Variants in CNTNAP2 observed in about 807,000 individuals in gnomAD.
CNTNAP2 encodes the protein contactin associated protein 2.
A neutral mutation model predicts 155.2 loss-of-function variants in CNTNAP2; 98 were observed. The observed-to-expected ratio is 0.63, with a 90% confidence interval of 0.54 to 0.75. CNTNAP2 has a LOEUF of 0.75. Ranked by LOEUF, CNTNAP2 falls within the 30% of genes least tolerant of loss-of-function variation. The pLI is 0.00. For synonymous variants in CNTNAP2, 651 were observed against 631.2 expected, an observed-to-expected ratio of 1.03 and a Z score of -0.47; for missense variants, 1,727 against 1,688.1, an observed-to-expected ratio of 1.02 and a Z score of -0.40.
intron 3 of CNTNAP2, among the ~76,000 whole-genome samples, chr7:146,873,726 GA>G (rs1166158135): frequency 6.6e-6 from 1 of 152,068 alleles, no homozygotes; most frequent in East Asian, 1.9e-4. Context: ...ACAATTACAT[GA>G]GGATAAAGGG....
At chr7:147,513,522 A>G (rs1167351721) in intron 11 of CNTNAP2, among the ~76,000 whole-genome samples, 2 of 152,220 alleles carry the variant, frequency 1.3e-5, no homozygotes, top group Non-Finnish European at 2.9e-5. Flanking sequence ...AAAGGAGGCA[A>G]CACATGTTGA....
chr7:146,721,875 G>GTGTATATATGTATATATA (rs1332551916), intron 1 of CNTNAP2, among the ~76,000 whole-genome samples: 1 of 76,658 alleles, frequency 1.3e-5, no homozygotes, highest in African/African-American at 1.8e-4. Context: ...GTGTGTGTGT[G>GTGTATATATGTATATATA]TATATATATA....
At chr7:147,010,129 C>A (rs1798598243) in intron 3 of CNTNAP2, among the ~76,000 whole-genome samples, 1 of 151,482 alleles carries the variant, frequency 6.6e-6, no homozygotes, top group South Asian at 2.1e-4. Flanking sequence ...TCCACCTCGG[C>A]CTCCCGAGTA....
intron 18 of CNTNAP2, among the ~76,000 whole-genome samples, chr7:148,187,595 G>A (rs1795140787): frequency 6.6e-6 from 1 of 152,138 alleles, no homozygotes; most frequent in Non-Finnish European, 1.5e-5. Context: ...TTTCTATGAG[G>A]AGCTAGGAGG....
intron 15 of CNTNAP2, among the ~76,000 whole-genome samples, chr7:148,097,844 A>G (rs1804006189): frequency 6.6e-6 from 1 of 152,214 alleles, no homozygotes; most frequent in African/African-American, 2.4e-5. Context: ...GCAAGGTGTC[A>G]AAAACAGAGC....
intron 13 of CNTNAP2, among the ~76,000 whole-genome samples, chr7:147,740,711 A>C (rs1190154416): frequency 6.6e-6 from 1 of 152,364 alleles, no homozygotes; most frequent in East Asian, 1.9e-4. Context: ...AATGTCAACC[A>C]TATTATTAAA....
intron 1 of CNTNAP2, among the ~76,000 whole-genome samples, chr7:146,624,609 A>G (rs183196396): frequency 2.6e-5 from 4 of 151,952 alleles, no homozygotes; most frequent in Non-Finnish European, 4.4e-5. Flanking sequence ...TCCTCTGCCA[A>G]TCCCTCATAG....
chr7:147,640,764 C>G (rs1245612470), intron 13 of CNTNAP2, among the ~76,000 whole-genome samples: 1 of 152,100 alleles, frequency 6.6e-6, no homozygotes, highest in Non-Finnish European at 1.5e-5. Flanking sequence ...AAACAGCTCC[C>G]TCATACAGAG....
chr7:148,331,931 C>G (rs1341202394), intron 21 of CNTNAP2, among the ~76,000 whole-genome samples: 1 of 152,122 alleles, frequency 6.6e-6, no homozygotes, highest in Non-Finnish European at 1.5e-5. Context: ...GAGCTGCCTG[C>G]CTGCCTCACG....
chr7:148,403,732 C>T (rs1460730373), intron 22 of CNTNAP2, among the ~76,000 whole-genome samples: 3 of 152,128 alleles, frequency 2.0e-5, no homozygotes, highest in Non-Finnish European at 2.9e-5. Context: ...AGGTCAGTGG[C>T]AATAAAATGT....
intron 1 of CNTNAP2, among the ~76,000 whole-genome samples, chr7:146,236,555 A>G (rs1190095519): frequency 2.6e-5 from 4 of 152,134 alleles, no homozygotes; most frequent in Non-Finnish European, 4.4e-5. Context: ...ATCTGAGGCT[A>G]GGTTGTGCTG....
At chr7:147,250,429 A>G (rs1278920466) in intron 8 of CNTNAP2, among the ~76,000 whole-genome samples, 1 of 152,194 alleles carries the variant, frequency 6.6e-6, no homozygotes, top group African/African-American at 2.4e-5. Context: ...GTGGCTCTTC[A>G]GCGTGAGGAT....
At chr7:147,209,493 A>C (rs912515551) in intron 8 of CNTNAP2, among the ~76,000 whole-genome samples, 34 of 151,994 alleles carry the variant, frequency 2.2e-4, no homozygotes, top group Admixed American at 2.2e-3. Flanking sequence ...GACTTTAGGC[A>C]GAGTCCTCAA....
chr7:146,408,628 T>G (rs1373290639), intron 1 of CNTNAP2, among the ~76,000 whole-genome samples: 467 of 89,290 alleles, frequency 5.2e-3, no homozygotes, highest in Admixed American at 5.7e-3. Context: ...TGTCATGGGG[T>G]GGGGGGAGGG....
At chr7:147,213,788 C>T (rs935054405) in intron 8 of CNTNAP2, among the ~76,000 whole-genome samples, 2 of 152,082 alleles carry the variant, frequency 1.3e-5, no homozygotes, top group African/African-American at 4.8e-5. Flanking sequence ...CTAGGGAAAC[C>T]TATGACATAA....
chr7:146,135,730 G>C (rs979923260), intron 1 of CNTNAP2, among the ~76,000 whole-genome samples: 14 of 151,072 alleles, frequency 9.3e-5, no homozygotes, highest in Non-Finnish European at 1.9e-4. Flanking sequence ...AGGACATACA[G>C]GTTTCTAGAC....
At chr7:146,246,707 G>C (rs1287561454) in intron 1 of CNTNAP2, among the ~76,000 whole-genome samples, 1 of 152,074 alleles carries the variant, frequency 6.6e-6, no homozygotes, top group Non-Finnish European at 1.5e-5. Context: ...AGAGTTCCAG[G>C]GGCTCTGGGA....
chr7:146,783,965 A>G (rs1308185923), intron 2 of CNTNAP2, among the ~76,000 whole-genome samples: 1 of 152,214 alleles, frequency 6.6e-6, no homozygotes, highest in African/African-American at 2.4e-5. Context: ...GGTTTCTTTA[A>G]TGTACTTAGA....
chr7:146,274,175 C>T (rs546189129), intron 1 of CNTNAP2, among the ~76,000 whole-genome samples: 24 of 152,266 alleles, frequency 1.6e-4, no homozygotes, highest in African/African-American at 5.5e-4. Context: ...TGACACATAG[C>T]GCCTGAAGGG....
Sources: allele counts gnomAD v4.1 joint callset (sites outside exome capture counted in the v4.1 genomes callset), GRCh38; gene constraint gnomAD v4.1.1; transcripts MANE v1.5; gene names NCBI Gene and HGNC (gene_info 2026-07-23, HGNC 2026-07-21).